Variants in COL19A1 observed in about 807,000 individuals in gnomAD.
The protein encoded by COL19A1 is collagen type XIX alpha 1 chain.
A neutral mutation model predicts 190.2 loss-of-function variants in COL19A1; 159 were observed. The ratio of observed to expected loss-of-function variants is 0.84; its 90% confidence interval spans 0.73 to 0.95. COL19A1 has a LOEUF of 0.95. Among genes scored for constraint, COL19A1 ranks in the 40% least tolerant of loss-of-function variants. The pLI is 0.00. For missense variants in COL19A1, 1,418 were observed against 1,431.9 expected (o/e 0.99, Z 0.16); for synonymous variants, 509 against 458.9 (o/e 1.11, Z -1.39).
chr6:69,999,855 C>T (rs1354827564), intron 11 of COL19A1, among the ~76,000 whole-genome samples: 1 of 151,934 alleles, frequency 6.6e-6, no homozygotes, highest in Non-Finnish European at 1.5e-5. Flanking sequence ...TAGTAGTACA[C>T]TATATATGTA....
In COL19A1 at chr6:69,961,051, C is replaced by T. The variant is rs1002203935; in HGVS notation, c.981+1011C>T. On this transcript the variant is annotated intron_variant, in intron 10 of 50. Transcript: ENST00000620364. ...GGGGAGCCACTTCAGGTGGGGCCAG[C>T]TGTCATGATACCATCCAGATAATCC... is the stretch of plus-strand genomic sequence containing the variant. Among the ~76,000 whole-genome samples, 3 of 152,242 alleles carry T rather than the reference C, an allele frequency of 2.0e-5. No individual in the cohort carries two copies. In the East Asian group the frequency reaches 5.8e-4, roughly 29 times the overall value.
chr6:69,930,963 G>C (rs774099696), intron 6 of COL19A1, among the ~76,000 whole-genome samples: 9 of 152,072 alleles, frequency 5.9e-5, no homozygotes, highest in Non-Finnish European at 1.2e-4. Context: ...AAACTTGAAG[G>C]CATGTCACAA....
At chr6:69,961,806 A>G (rs1269622211) in intron 10 of COL19A1, among the ~76,000 whole-genome samples, 1 of 151,966 alleles carries the variant, frequency 6.6e-6, no homozygotes, top group East Asian at 1.9e-4. Flanking sequence ...TTATGTGGGT[A>G]TATATATATA....
chr6:69,917,997 T>A (rs1347646261), intron 4 of COL19A1, among the ~76,000 whole-genome samples: 1 of 151,988 alleles, frequency 6.6e-6, no homozygotes, highest in Non-Finnish European at 1.5e-5. Context: ...AAACAGGAAG[T>A]ACAAAGGCCC....
chr6:70,153,994 C>T (rs183709251), intron 31 of COL19A1, among the ~76,000 whole-genome samples: 31 of 152,100 alleles, frequency 2.0e-4, no homozygotes, highest in African/African-American at 7.2e-4. Context: ...TTCTGGGGTA[C>T]ATGTGCAGAA....
At chr6:70,102,657 T>C (rs558623379) in intron 16 of COL19A1, among the ~76,000 whole-genome samples, 3 of 152,194 alleles carry the variant, frequency 2.0e-5, no homozygotes, top group Non-Finnish European at 4.4e-5. Context: ...AATTTCATGA[T>C]TTGGTAAAAA....
chr6:69,992,112 T>C (rs1776659578), intron 11 of COL19A1, among the ~76,000 whole-genome samples: 1 of 152,194 alleles, frequency 6.6e-6, no homozygotes, highest in African/African-American at 2.4e-5. Flanking sequence ...TTCAATCTTC[T>C]GCATATGGCT....
chr6:69,905,750 A>T (rs1770511094), intron 4 of COL19A1, among the ~76,000 whole-genome samples: 1 of 152,118 alleles, frequency 6.6e-6, no homozygotes, highest in East Asian at 1.9e-4. Flanking sequence ...GTACACTTAG[A>T]GGTGGCACAG....
chr6:70,175,536 A>T (rs1382185576), intron 41 of COL19A1, among the ~76,000 whole-genome samples: 1 of 152,160 alleles, frequency 6.6e-6, no homozygotes, highest in Non-Finnish European at 1.5e-5. Flanking sequence ...TGTTTGTTAA[A>T]TAAAATCCTA....
intron 48 of COL19A1, among the ~76,000 whole-genome samples, chr6:70,195,171 A>T (rs1374362124): frequency 6.7e-6 from 1 of 148,744 alleles, no homozygotes; most frequent in Non-Finnish European, 1.5e-5. Flanking sequence ...ATAAAGAGTT[A>T]AAAAATATAT....
intron 7 of COL19A1, among the ~76,000 whole-genome samples, chr6:69,934,215 T>C (rs1772959381): frequency 6.6e-6 from 1 of 152,030 alleles, no homozygotes; most frequent in South Asian, 2.1e-4. Flanking sequence ...ATCCACTTCA[T>C]GTATCTCATT....
At chr6:70,203,795 A>C (rs1393433653) in intron 49 of COL19A1, among the ~76,000 whole-genome samples, 2 of 152,140 alleles carry the variant, frequency 1.3e-5, no homozygotes, top group African/African-American at 4.8e-5. Flanking sequence ...GCTTTCAATT[A>C]GGACACTGCT....
chr6:69,954,968 C>G (rs1774324945), intron 9 of COL19A1, among the ~76,000 whole-genome samples: 1 of 152,108 alleles, frequency 6.6e-6, no homozygotes, highest in South Asian at 2.1e-4. Flanking sequence ...TGACTGATGA[C>G]ACTGTCCTTC....
rs200232703 is a variant in COL19A1 at position 69,938,033 on chromosome 6, C to T, written c.874-5C>T. On this transcript the variant is annotated splice_region_variant and splice_polypyrimidine_tract_variant and intron_variant, in intron 8 of 50. Coordinates refer to ENST00000620364, the MANE Select transcript of COL19A1 (RefSeq NM_001858.6). ...TTGCTAACACAGATATGCATTTTTG[C>T]TCAGGGAGAAGCAGGATTACCAGGA... The T allele has an allele frequency of 1.2e-6, 2 of 1,612,020 alleles. No homozygotes were observed. The highest frequency in any genetic ancestry group is 1.7e-6 in the Non-Finnish European group (2 of 1,178,838).
chr6:70,030,455 T>C (rs1269788118), intron 12 of COL19A1, among the ~76,000 whole-genome samples: 3 of 152,196 alleles, frequency 2.0e-5, no homozygotes, highest in African/African-American at 7.2e-5. Context: ...GTTCACTATA[T>C]ACTGTCCTCC....
intron 15 of COL19A1, among the ~76,000 whole-genome samples, chr6:70,090,169 T>C (rs1782819271): frequency 7.2e-6 from 1 of 139,134 alleles, no homozygotes; most frequent in African/African-American, 2.5e-5. Context: ...AGAGCAAGAC[T>C]CTTATCTCAA....
chr6:70,178,354 C>T (rs935499598), intron 42 of COL19A1, among the ~76,000 whole-genome samples: 1 of 152,016 alleles, frequency 6.6e-6, no homozygotes, highest in South Asian at 2.1e-4. Context: ...CCAAACTGGG[C>T]AACAGAGCAA....
At chr6:70,001,586 TCCCGTTAG>T (rs1777267456) in intron 11 of COL19A1, among the ~76,000 whole-genome samples, 1 of 152,000 alleles carries the variant, frequency 6.6e-6, no homozygotes, top group African/African-American at 2.4e-5. Context: ...GTCCTTTATA[TCCCGTTAG>T]CTGTATTCCT....
intron 15 of COL19A1, 63 bp downstream of exon 15, chr6:70,068,539 T>C: frequency 9.2e-7 from 1 of 1,092,634 alleles, no homozygotes; most frequent in Non-Finnish European, 1.4e-6. Flanking sequence ...TTGGGAACAC[T>C]AATGAAAATG....
Sources: gnomAD v4.1 joint callset for allele counts (sites outside exome capture counted in the v4.1 genomes callset) on GRCh38, gnomAD v4.1.1 for gene constraint, MANE v1.5 for transcripts, NCBI Gene and HGNC (gene_info 2026-07-23, HGNC 2026-07-21) for gene names.